Variants in ICOS observed in about 807,000 individuals in gnomAD.
The protein encoded by ICOS is inducible T-cell costimulator.
ICOS carries 15 observed loss-of-function variants against 24.6 expected under a neutral mutation model. The ratio of observed to expected loss-of-function variants is 0.61; its 90% CI spans 0.41 to 0.94. The LOEUF is 0.94. ICOS is among the 40% of genes least tolerant of loss of function. The probability of loss-of-function intolerance (pLI) is 0.00; values close to 1 mark genes in which losing one functional copy is unlikely to be tolerated. For synonymous variants in ICOS, 89 were observed against 77.5 expected (o/e 1.15, Z -0.78); for missense variants, 200 against 233.0 (o/e 0.86, Z 0.92).
In ICOS at chr2:203,959,734, C is replaced by A. The variant is rs1690144312; in HGVS notation, c.*135C>A. Reference sequence around the variant, plus strand: ...ATCTTCTGCTGGTGTTTTGTTCAATCTGGAAGAATGACTGTATCAGTCAAT... The same window carrying A: ...ATCTTCTGCTGGTGTTTTGTTCAATATGGAAGAATGACTGTATCAGTCAAT... On this transcript the variant is annotated 3_prime_UTR_variant, in exon 5 of 5. Transcript: ENST00000316386. 2.4e-6 allele frequency: 2 copies of A among 836,258 alleles called. No homozygotes were observed. Among genetic ancestry groups the A allele is most frequent in the African/African-American group, 3.4e-5 (2 of 59,408 alleles). The allele number at this position is 836,258 out of a possible 1,614,324, so 51.8% of individuals were successfully genotyped here.
At chr2:203,955,567 TTAAAA>T (rs1312984488) in intron 1 of ICOS, 64 bp from the exon 2 acceptor site, 35 of 1,342,194 alleles carry the variant, frequency 2.6e-5, no homozygotes, top group Admixed American at 3.4e-5. Flanking sequence ...TGCTTTTATG[TTAAAA>T]TATAATTATT....
In ICOS at chr2:203,955,321, A is replaced by C. The variant is rs74556993; in HGVS notation, c.59-315A>C. On this transcript the variant is annotated intron_variant, in intron 1 of 4. Transcript: ENST00000316386. ...ATTTATTCCTTTACCATCTGCCTCC[A>C]ATATGAAAGCTACCAAAGGACAGAG... Among the ~76,000 whole-genome samples the C allele has an allele frequency of 2.2e-3, 337 of 152,280 alleles. 1 individual carries two copies. Among genetic ancestry groups the C allele is most frequent in the African/African-American group, 7.7e-3 (319 of 41,558 alleles).
In ICOS at chr2:203,960,028, T is replaced by C. The variant is rs1690149657; in HGVS notation, c.*429T>C. ...CATTTCACTATCATACTACCTCTTCTTTCTGTAGGGATGAGAATTCCTCTT... is the reference window on the plus strand; with the variant it reads ...CATTTCACTATCATACTACCTCTTCCTTCTGTAGGGATGAGAATTCCTCTT... On this transcript the variant is annotated 3_prime_UTR_variant, in exon 5 of 5. Coordinates refer to ENST00000316386, the MANE Select transcript of ICOS (RefSeq NM_012092.4). 3.2e-6 allele frequency: 1 copy of C among 310,282 alleles called. No individual in the cohort carries two copies. Among genetic ancestry groups the C allele is most frequent in the Admixed American group, 4.3e-5 (1 of 23,216 alleles). The allele number at this position is 310,282 out of a possible 1,614,324, so 19.2% of individuals were successfully genotyped here.
At position 203,959,686 on chromosome 2, in the gene ICOS, G is replaced by GAAATA; in HGVS notation, c.*88_*89insAATAA. ...AGATTCTCTTATTTCCGGGACCACG[G>GAAATA]AGAGTCTGACTTAACTACATACATC... On this transcript the variant is annotated 3_prime_UTR_variant, in exon 5 of 5. Transcript: ENST00000316386. The GAAATA allele has an allele frequency of 7.9e-7, 1 of 1,258,246 alleles. No homozygotes were observed. Among genetic ancestry groups the GAAATA allele is most frequent in the Non-Finnish European group, 1.2e-6 (1 of 857,936 alleles). 77.9% of individuals were successfully genotyped at this position (1,258,246 alleles called of 1,614,324 possible). A position where few individuals can be genotyped will look rare whatever the true frequency, so the allele number is the denominator to read the frequency against.
chr2:203,943,688 G>T (rs1244067138), intron 1 of ICOS, among the ~76,000 whole-genome samples: 1 of 152,136 alleles, frequency 6.6e-6, no homozygotes, highest in African/African-American at 2.4e-5. Context: ...TATAGAGAGG[G>T]TCTGGTGGTG....
intron 1 of ICOS, among the ~76,000 whole-genome samples, chr2:203,938,346 ATGGAAGGAACAAGT>A (rs1385739648): frequency 6.6e-6 from 1 of 152,210 alleles, no homozygotes; most frequent in African/African-American, 2.4e-5. Context: ...GTTCCATACC[ATGGAAGGAACAAGT>A]GCAAAGAGCC....
chr2:203,959,275 G>T lies in ICOS; in HGVS notation c.587-311G>T, dbSNP rs552445072. Among the ~76,000 whole-genome samples, 7 of 152,298 alleles carry T rather than the reference G, an allele frequency of 4.6e-5. No individual in the cohort carries two copies. The South Asian group carries it at 1.5e-3, about 32-fold the overall frequency. Reference sequence around the variant, plus strand: ...GAAATGCAGTGGGGCTGTTGTGCTAGAACAGTCAGCCCATGCAGCGCTTTC... The same window carrying T: ...GAAATGCAGTGGGGCTGTTGTGCTATAACAGTCAGCCCATGCAGCGCTTTC... On this transcript the variant is annotated intron_variant, in intron 4 of 4. Transcript: ENST00000316386.
chr2:203,959,304 C>T (rs538056901), intron 4 of ICOS, among the ~76,000 whole-genome samples: 1 of 152,192 alleles, frequency 6.6e-6, no homozygotes, highest in Admixed American at 6.5e-5. Flanking sequence ...CGCTTTCTGC[C>T]CCAGCAGCAG....
At chr2:203,940,222 A>G (rs918880447) in intron 1 of ICOS, among the ~76,000 whole-genome samples, 5 of 151,792 alleles carry the variant, frequency 3.3e-5, no homozygotes, top group Non-Finnish European at 7.4e-5. Context: ...TTCCTTTCCC[A>G]CTCTCACACT....
intron 2 of ICOS, 94 bp downstream of exon 2, chr2:203,956,065 TTTGTG>T (rs1383395423): frequency 1.2e-6 from 1 of 855,884 alleles, no homozygotes; most frequent in Non-Finnish European, 1.8e-6. Flanking sequence ...ATAAATATCT[TTTGTG>T]TTGGAGTTCA....
intron 1 of ICOS, among the ~76,000 whole-genome samples, chr2:203,938,036 T>C (rs1689692335): frequency 6.6e-6 from 1 of 152,244 alleles, no homozygotes; most frequent in Admixed American, 6.5e-5. Context: ...GCAGGTACTG[T>C]GCCAGATGGT....
chr2:203,954,288 G>C (rs745725072), intron 1 of ICOS, among the ~76,000 whole-genome samples: 23 of 152,126 alleles, frequency 1.5e-4, no homozygotes, highest in Non-Finnish European at 2.9e-4. Flanking sequence ...ATTTATTTCA[G>C]AAAATGAAAA....
In ICOS at chr2:203,959,588, G is replaced by A. The variant is rs111644920; in HGVS notation, c.589G>A (p.Val197Met). Residue 197 changes from valine to methionine, a missense_variant and splice_region_variant, in exon 5 of 5, where the codon GTG (valine) becomes ATG (methionine). Coordinates refer to ENST00000316386, the MANE Select transcript of ICOS (RefSeq NM_012092.4). ...NTAKKSRLTD[V>M]TL ...TTTATGCTGAATTTTTGTTACAGAT[G>A]TGACCCTATAATATGGAACTCTGGC... 1.1e-4 allele frequency: 182 copies of A among 1,613,226 alleles called. 1 individual carries two copies. The African/African-American group carries it at 1.7e-3, about 15-fold the overall frequency.
At chr2:203,947,498 G>A (rs901498682) in intron 1 of ICOS, among the ~76,000 whole-genome samples, 1 of 151,856 alleles carries the variant, frequency 6.6e-6, no homozygotes, top group African/African-American at 2.4e-5. Context: ...TAGTAGAGAC[G>A]GAGTTTCACC....
At chr2:203,953,195 A>G (rs917005176) in intron 1 of ICOS, among the ~76,000 whole-genome samples, 1 of 152,156 alleles carries the variant, frequency 6.6e-6, no homozygotes, top group Non-Finnish European at 1.5e-5. Context: ...TTTCTGCTAG[A>G]TCACTCACTC....
Position 203,957,810 on chromosome 2 carries a change from C to T in ICOS, c.513C>T (p.Ser171=). Residue 171 remains serine, a synonymous_variant, in exon 4 of 5, where the codon TCC becomes TCT. Coordinates refer to ENST00000316386, the MANE Select transcript of ICOS (RefSeq NM_012092.4). ...GCTTTTTCTTTCAGAAGTATTCATCCAGTGTGCACGACCCTAACGGTGAAT... is the reference window on the plus strand; with the variant it reads ...GCTTTTTCTTTCAGAAGTATTCATCTAGTGTGCACGACCCTAACGGTGAAT... ...ICWLTKKKYS[S]SVHDPNGEYM... 2 of 1,611,970 alleles carry T rather than the reference C, an allele frequency of 1.2e-6. No individual in the cohort carries two copies. Among genetic ancestry groups the T allele is most frequent in the African/African-American group, 1.3e-5 (1 of 74,958 alleles).
At chr2:203,937,258 C>A (rs1689670004) in intron 1 of ICOS, among the ~76,000 whole-genome samples, 1 of 152,034 alleles carries the variant, frequency 6.6e-6, no homozygotes, top group African/African-American at 2.4e-5. Context: ...GGAATTCTTT[C>A]TGTGGTAGAA....
chr2:203,949,190 G>A (rs187874892), intron 1 of ICOS, among the ~76,000 whole-genome samples: 138 of 152,346 alleles, frequency 9.1e-4, no homozygotes, highest in Admixed American at 2.2e-3. Flanking sequence ...TGGAGGAGAA[G>A]TGGATAGATT....
At chr2:203,950,309 G>A (rs1188596697) in intron 1 of ICOS, among the ~76,000 whole-genome samples, 1 of 152,134 alleles carries the variant, frequency 6.6e-6, no homozygotes, top group African/African-American at 2.4e-5. Flanking sequence ...ATGATGAGGA[G>A]GTTCTTGAGA....
Sources: gnomAD v4.1 joint callset for allele counts (sites outside exome capture counted in the v4.1 genomes callset) on GRCh38, gnomAD v4.1.1 for gene constraint, MANE v1.5 for transcripts, NCBI Gene and HGNC (gene_info 2026-07-23, HGNC 2026-07-21) for gene names.